The following MACROH2A2 variants were observed in gnomAD, a reference collection of about 807,000 sequenced individuals.
MACROH2A2 encodes core histone macro-H2A.2.
In MACROH2A2, 6 loss-of-function variants were observed where a neutral mutation model predicts 37.6. That is an observed-to-expected ratio of 0.16 (90% CI 0.09 to 0.32). MACROH2A2 has a LOEUF of 0.32. MACROH2A2 is among the 10% of genes least tolerant of loss of function. The probability of loss-of-function intolerance (pLI) is 1.00; values close to 1 mark genes in which losing one functional copy is unlikely to be tolerated. For missense variants in MACROH2A2, 290 were observed against 485.9 expected (o/e 0.60, Z 3.79); for synonymous variants, 192 against 202.7 (o/e 0.95, Z 0.45).
At chr10:70,072,993 G>T (rs2072119242) in intron 1 of MACROH2A2, among the ~76,000 whole-genome samples, 1 of 152,112 alleles carries the variant, frequency 6.6e-6, no homozygotes, top group Non-Finnish European at 1.5e-5. Context: ...TGTCACTAGG[G>T]CATAGGAATT....
chr10:70,100,729 G>A (rs1343972659), intron 7 of MACROH2A2, among the ~76,000 whole-genome samples: 1 of 150,706 alleles, frequency 6.6e-6, no homozygotes, highest in Non-Finnish European at 1.5e-5. Context: ...CGATTCTTGT[G>A]CCTTAGCCTC....
At chr10:70,067,441 G>A (rs1332324097) in intron 1 of MACROH2A2, among the ~76,000 whole-genome samples, 1 of 152,050 alleles carries the variant, frequency 6.6e-6, no homozygotes, top group Non-Finnish European at 1.5e-5. Flanking sequence ...TCCGATGCTG[G>A]ACCACAGAGA....
At chr10:70,067,932 A>T (rs2072088039) in intron 1 of MACROH2A2, among the ~76,000 whole-genome samples, 1 of 152,218 alleles carries the variant, frequency 6.6e-6, no homozygotes, top group Non-Finnish European at 1.5e-5. Context: ...TTTGGCACAG[A>T]TAGAGACTGT....
At chr10:70,081,647 C>T (rs539629863) in intron 2 of MACROH2A2, among the ~76,000 whole-genome samples, 61 of 152,094 alleles carry the variant, frequency 4.0e-4, no homozygotes, top group African/African-American at 1.3e-3. Flanking sequence ...TTGGCAAGGA[C>T]GGCATGGGAG....
Position 70,105,870 on chromosome 10 carries a change from G to A in MACROH2A2, c.779-3163G>A, listed in dbSNP as rs370405692. On this transcript the variant is annotated intron_variant, in intron 7 of 8. Coordinates refer to ENST00000373255, the MANE Select transcript of MACROH2A2 (RefSeq NM_018649.3). ...TTCAGGAGTGAATGGCCATTTTACT[G>A]GGCACGTGTTAGCCCTGGGGCCCCA... Among the ~76,000 whole-genome samples the A allele has an allele frequency of 2.6e-5, 4 of 152,270 alleles. No individual in the cohort carries two copies. The East Asian group carries it at 7.7e-4, about 29-fold the overall frequency.
chr10:70,086,760 A>T (rs927689554), intron 2 of MACROH2A2, among the ~76,000 whole-genome samples: 2 of 152,172 alleles, frequency 1.3e-5, no homozygotes, highest in African/African-American at 4.8e-5. Context: ...CCCCAGACCC[A>T]TCTAGAAAAA....
chr10:70,061,917 A>G (rs1281288898), intron 1 of MACROH2A2, among the ~76,000 whole-genome samples: 1 of 152,176 alleles, frequency 6.6e-6, no homozygotes, highest in Admixed American at 6.5e-5. Context: ...ATTCTCATTC[A>G]CTTAAAGGTG....
intron 7 of MACROH2A2, among the ~76,000 whole-genome samples, chr10:70,106,068 C>T (rs568830615): frequency 2.6e-5 from 4 of 152,294 alleles, no homozygotes; most frequent in South Asian, 2.1e-4. Flanking sequence ...CCCACAGTGT[C>T]ACGGAAACCA....
In MACROH2A2 at chr10:70,090,061, G is replaced by A. The variant is rs200939233; in HGVS notation, c.174G>A (p.Ala58=). The A allele has an allele frequency of 8.1e-6, 13 of 1,608,782 alleles. No homozygotes were observed. The highest frequency in any genetic ancestry group is 1.7e-5 in the Admixed American group (1 of 60,014). Residue 58 remains alanine (A), a splice_region_variant and synonymous_variant, in exon 3 of 9, where the codon GCG becomes GCA. Transcript: ENST00000373255. ...YMAAVIEYLA[A]EILELAGNAA... is the part of the protein sequence containing the mutation. ...GTTAATGCCTCCTTGTGATTTCAGCGGAAATTCTAGAATTGGCCGGCAATG... is the reference window on the plus strand; with the variant it reads ...GTTAATGCCTCCTTGTGATTTCAGCAGAAATTCTAGAATTGGCCGGCAATG...
At position 70,092,017 on chromosome 10, in the gene MACROH2A2, T is replaced by C. The variant is rs556566699; in HGVS notation, c.477+63T>C. The C allele has an allele frequency of 4.6e-6, 6 of 1,310,958 alleles. No homozygotes were observed. The East Asian group carries it at 1.4e-4, about 31-fold the overall frequency. 81.2% of individuals were successfully genotyped at this position (1,310,958 alleles called of 1,614,324 possible). ...ACTGCAATGGTCTGAATGTCTGTGT[T>C]CCCCCACAATTCATATGTTGAAACC... On this transcript the variant is annotated intron_variant, in intron 4 of 8. Coordinates refer to ENST00000373255, the MANE Select transcript of MACROH2A2 (RefSeq NM_018649.3).
At chr10:70,070,173 C>A (rs1475959610) in intron 1 of MACROH2A2, among the ~76,000 whole-genome samples, 2 of 152,110 alleles carry the variant, frequency 1.3e-5, no homozygotes, top group African/African-American at 4.8e-5. Flanking sequence ...GCTTAAATTC[C>A]GCACAAGACC....
chr10:70,093,532 T>G (rs1221513987), intron 4 of MACROH2A2, among the ~76,000 whole-genome samples: 3 of 152,200 alleles, frequency 2.0e-5, no homozygotes, highest in Non-Finnish European at 4.4e-5. Context: ...TTTAACACAC[T>G]TTCTATTTTG....
chr10:70,086,008 T>A (rs2072209029), intron 2 of MACROH2A2, among the ~76,000 whole-genome samples: 1 of 152,076 alleles, frequency 6.6e-6, no homozygotes, highest in African/African-American at 2.4e-5. Flanking sequence ...TGAATTTTTT[T>A]TTTTTTAGAG....
rs2136647308 is a variant in MACROH2A2, at chr10:70,111,858, G to A, written c.*175G>A. 1 of 441,198 alleles carries A rather than the reference G, an allele frequency of 2.3e-6. No individual in the cohort carries two copies. The highest frequency in any genetic ancestry group is 3.9e-6 in the Non-Finnish European group (1 of 254,678). 27.3% of individuals were successfully genotyped at this position (441,198 alleles called of 1,614,324 possible). A position where few individuals can be genotyped will look rare whatever the true frequency, so the allele number is the denominator to read the frequency against. On this transcript the variant is annotated 3_prime_UTR_variant, in exon 9 of 9. Transcript: ENST00000373255. ...CTCTCCTCCAAAAGAGCCTCCATCT[G>A]TAAGGAAGCAGGTCTCCGCGAGGGG...
intron 1 of MACROH2A2, among the ~76,000 whole-genome samples, chr10:70,065,767 A>G (rs1258446736): frequency 6.6e-6 from 1 of 152,130 alleles, no homozygotes; most frequent in East Asian, 1.9e-4. Flanking sequence ...GAAAGGGGGT[A>G]TTGGGAGAAA....
intron 7 of MACROH2A2, among the ~76,000 whole-genome samples, chr10:70,103,497 C>T (rs987386055): frequency 2.6e-5 from 4 of 152,104 alleles, no homozygotes; most frequent in Admixed American, 1.3e-4. Flanking sequence ...TGGGAGCCAC[C>T]GTGCCCAGCA....
At chr10:70,096,977 C>T (rs2072280123) in intron 6 of MACROH2A2, among the ~76,000 whole-genome samples, 1 of 152,210 alleles carries the variant, frequency 6.6e-6, no homozygotes, top group Admixed American at 6.5e-5. Flanking sequence ...CTGCCTCTCA[C>T]TGACACATTG....
At chr10:70,057,610 A>G (rs968023644) in intron 1 of MACROH2A2, among the ~76,000 whole-genome samples, 1 of 152,154 alleles carries the variant, frequency 6.6e-6, no homozygotes, top group Admixed American at 6.5e-5. Flanking sequence ...AACTTTCATT[A>G]TTACCCCTTT....
chr10:70,067,389 T>A (rs2072085421), intron 1 of MACROH2A2, among the ~76,000 whole-genome samples: 1 of 152,140 alleles, frequency 6.6e-6, no homozygotes, highest in Non-Finnish European at 1.5e-5. Flanking sequence ...ACATTAGGTT[T>A]TCAGAAAAAA....
Sources: allele counts gnomAD v4.1 joint callset (sites outside exome capture counted in the v4.1 genomes callset), GRCh38; gene constraint gnomAD v4.1.1; transcripts MANE v1.5; gene names NCBI Gene and HGNC (gene_info 2026-07-23, HGNC 2026-07-21).